Variants in DNAH17 observed in about 807,000 individuals in gnomAD.
DNAH17 encodes the protein axonemal beta dynein heavy chain 17.
A neutral mutation model predicts 485.6 loss-of-function variants in DNAH17; 376 were observed. The observed-to-expected ratio is 0.77, with a 90% CI of 0.71 to 0.84. DNAH17 has a LOEUF of 0.84. DNAH17 is among the 40% of genes least tolerant of loss of function. The probability of loss-of-function intolerance (pLI) is 0.00; values close to 1 mark genes in which losing one functional copy is unlikely to be tolerated. For missense variants in DNAH17, 6,370 were observed against 5,839.3 expected (o/e 1.09, Z -2.96); for synonymous variants, 3,031 against 2,405.9 (o/e 1.26, Z -7.60).
chr17:78,574,775 G>C lies in DNAH17; in HGVS notation c.283C>G (p.Arg95Gly), dbSNP rs372675281. 6.2e-7 allele frequency: 1 copy of C among 1,613,880 alleles called. No individual in the cohort carries two copies. Among genetic ancestry groups the C allele is most frequent in the Non-Finnish European group, 8.5e-7 (1 of 1,179,850 alleles). Residue 95 changes from arginine (R) to glycine (G), a missense_variant, in exon 2 of 81, where the codon CGG becomes GGG. By Grantham distance (125) the Arg-to-Gly change is moderately radical (BLOSUM62 -2). Transcript: ENST00000389840. The part of the protein sequence containing the change: ...ENINKDNYRA[R>G]LLYGDISPTP... ...GGGCTGATGTCGCCGTAAAGGAGCC[G>C]GGCCCTGTAGTTGTCCTTGTTGATG...
chr17:78,484,105 A>G (rs958690564), intron 48 of DNAH17, among the ~76,000 whole-genome samples: 2 of 145,438 alleles, frequency 1.4e-5, no homozygotes, highest in Non-Finnish European at 3.1e-5. Flanking sequence ...CAAAAAAAAA[A>G]AAAAAAAAAA....
intron 76 of DNAH17, among the ~76,000 whole-genome samples, 197 bp downstream of exon 76, chr17:78,428,924 T>TAAAAA (rs11409298): frequency 4.8e-5 from 5 of 103,294 alleles, no homozygotes; most frequent in South Asian, 3.6e-4. Context: ...TTTCTTTCTT[T>TAAAAA]AAAAAAAAAA....
At chr17:78,495,416 C>T (rs1156796097) in intron 38 of DNAH17, among the ~76,000 whole-genome samples, 3 of 151,044 alleles carry the variant, frequency 2.0e-5, no homozygotes, top group Non-Finnish European at 4.4e-5. Flanking sequence ...AGGAGGCCCT[C>T]GCCTGCCTCA....
chr17:78,487,641 C>T (rs753009555), intron 44 of DNAH17, among the ~76,000 whole-genome samples: 17 of 152,174 alleles, frequency 1.1e-4, no homozygotes, highest in Non-Finnish European at 1.6e-4. Flanking sequence ...TCTCCTGTTT[C>T]GGCCTTCCAA....
Position 78,426,491 on chromosome 17 carries a change from G to A in DNAH17, c.12881C>T (p.Ala4294Val), listed in dbSNP as rs750684437. The A allele has an allele frequency of 2.7e-5, 44 of 1,612,188 alleles. No individual in the cohort carries two copies. Among genetic ancestry groups the A allele is most frequent in the Admixed American group, 3.4e-5 (2 of 59,688 alleles). ...ARAYPSMMGL[A>V]AWYADLLLRI... ...GAGCAGCAGGTCTGCGTACCAGGCC[G>A]CCAGGCCCATCATGGAGGGGTAGGC... is the stretch of plus-strand genomic sequence containing the variant. Residue 4294 changes from alanine to valine, a missense_variant, in exon 79 of 81, where the codon GCG becomes GTG. Physicochemically the swap from Ala to Val is moderately conservative, Grantham distance 64. Coordinates refer to ENST00000389840, the MANE Select transcript of DNAH17 (RefSeq NM_173628.4).
At chr17:78,555,070 A>G (rs777203838) in intron 14 of DNAH17, among the ~76,000 whole-genome samples, 79 of 152,206 alleles carry the variant, frequency 5.2e-4, no homozygotes, top group Non-Finnish European at 2.1e-4. Flanking sequence ...TAAATAGTGT[A>G]CTTCCACCCA....
intron 16 of DNAH17, among the ~76,000 whole-genome samples, chr17:78,550,128 G>GGGA (rs1227371438): frequency 6.6e-6 from 1 of 152,256 alleles, no homozygotes; most frequent in Non-Finnish European, 1.5e-5. Flanking sequence ...GGGAGGCGTG[G>GGGA]GGAGGAGGAG....
chr17:78,483,753 G>A lies in DNAH17; in HGVS notation c.7649+1115C>T, dbSNP rs540086946. 7.5e-4 allele frequency among the ~76,000 whole-genome samples: 114 copies of A among 152,222 alleles called. 1 individual carries two copies. Among genetic ancestry groups the A allele is most frequent in the African/African-American group, 2.7e-3 (111 of 41,530 alleles). ...CGGCATGAGGCCAGGCTTCATGAAC[G>A]AGCAGACTAGTTTCTAGGCTCTTTT... On this transcript the variant is annotated intron_variant, in intron 48 of 80. Transcript: ENST00000389840.
At chr17:78,433,599 C>G (rs1255204423) in intron 75 of DNAH17, among the ~76,000 whole-genome samples, 2 of 152,224 alleles carry the variant, frequency 1.3e-5, no homozygotes, top group Non-Finnish European at 2.9e-5. Context: ...TCTCCAGACA[C>G]TGACAGAGCC....
chr17:78,556,923 C>T (rs1179944587), intron 14 of DNAH17, among the ~76,000 whole-genome samples: 1 of 152,212 alleles, frequency 6.6e-6, no homozygotes, highest in African/African-American at 2.4e-5. Context: ...GAAAACAGAA[C>T]ACGTATGATA....
Position 78,438,072 on chromosome 17 carries a change from T to C in DNAH17, c.11806-204A>G, listed in dbSNP as rs371644490. Among the ~76,000 whole-genome samples, 8 of 152,282 alleles carry C rather than the reference T, an allele frequency of 5.3e-5. 1 individual carries two copies. In the East Asian group the frequency reaches 5.8e-4, roughly 11 times the overall value. ...GCCAGGATGTCTTCGGCGAAGCAAC[T>C]GAGGCCCCAGAATCTATTTTTGTGT... On this transcript the variant is annotated intron_variant, in intron 73 of 80. Coordinates refer to ENST00000389840, the MANE Select transcript of DNAH17 (RefSeq NM_173628.4).
intron 18 of DNAH17, among the ~76,000 whole-genome samples, chr17:78,538,054 C>T (rs1350390182): frequency 6.8e-6 from 1 of 147,158 alleles, no homozygotes; most frequent in Non-Finnish European, 1.5e-5. Context: ...GGCAGGAAAT[C>T]GCTTGAACCC....
chr17:78,463,148 C>T, intron 56 of DNAH17, 71 bp from the exon 57 acceptor site: 2 of 1,429,154 alleles, frequency 1.4e-6, no homozygotes. Flanking sequence ...GCTCCCCAGA[C>T]TCACCAGGGG....
chr17:78,423,740 C>A lies in DNAH17; in HGVS notation c.*166G>T. The A allele has an allele frequency of 1.1e-6, 1 of 902,506 alleles. No homozygotes were observed. Among genetic ancestry groups the A allele is most frequent in the Non-Finnish European group, 1.7e-6 (1 of 596,934 alleles). 55.9% of individuals were successfully genotyped at this position (902,506 alleles called of 1,614,324 possible). A position where few individuals can be genotyped will look rare whatever the true frequency, so the allele number is the denominator to read the frequency against. On this transcript the variant is annotated 3_prime_UTR_variant, in exon 81 of 81. Transcript: ENST00000389840. ...TTAATCTGCCCCACCTCTTCCACAC[C>A]AACCTCCACCCTCTGGTTCCGATGT...
chr17:78,465,435 G>A (rs2088378603), intron 56 of DNAH17, among the ~76,000 whole-genome samples: 1 of 145,090 alleles, frequency 6.9e-6, no homozygotes, highest in African/African-American at 2.6e-5. Flanking sequence ...TGCCCAGTCT[G>A]GAAAGTGAGG....
intron 11 of DNAH17, among the ~76,000 whole-genome samples, chr17:78,565,892 G>C (rs1193041327): frequency 6.6e-6 from 1 of 152,180 alleles, no homozygotes; most frequent in African/African-American, 2.4e-5. Context: ...GGAGGTTGCA[G>C]TGTGCTGGGA....
At position 78,426,482 on chromosome 17, in the gene DNAH17, TACCAGGCC is replaced by T; in HGVS notation, c.12882_12889del (p.Ala4295ArgfsTer96). On this transcript the variant is annotated frameshift_variant, in exon 79 of 81. Transcript: ENST00000389840. LOFTEE classifies it high-confidence loss of function. ...CCTGATGCGGAGCAGCAGGTCTGCG[TACCAGGCC>T]GCCAGGCCCATCATGGAGGGGTAGG... is the stretch of plus-strand genomic sequence containing the variant. 6.2e-7 allele frequency: 1 copy of T among 1,610,788 alleles called. No individual in the cohort carries two copies.
Position 78,475,412 on chromosome 17 carries a change from G to C in DNAH17, c.8377C>G (p.Pro2793Ala). Residue 2793 changes from proline (P) to alanine (A), a missense_variant, in exon 54 of 81, where the codon CCC becomes GCC. Coordinates refer to ENST00000389840, the MANE Select transcript of DNAH17 (RefSeq NM_173628.4). ...ICRINRILES[P>A]RGNALLVGVG... Reference sequence around the variant, plus strand: ...CCCACCAGCAGGGCATTCCCCCGGGGAGACTCCAGGATGCGATTAATCCTG... The same window carrying C: ...CCCACCAGCAGGGCATTCCCCCGGGCAGACTCCAGGATGCGATTAATCCTG... 2 of 1,613,948 alleles carry C rather than the reference G, an allele frequency of 1.2e-6. No homozygotes were observed. Among genetic ancestry groups the C allele is most frequent in the Non-Finnish European group, 1.7e-6 (2 of 1,179,892 alleles).
At chr17:78,514,499 G>C (rs1413555915) in intron 26 of DNAH17, among the ~76,000 whole-genome samples, 1 of 64,476 alleles carries the variant, frequency 1.6e-5, no homozygotes, top group South Asian at 5.7e-4. Context: ...ACTAGACTCC[G>C]TCTCAAAAAA....
Sources: gnomAD v4.1 joint callset for allele counts (sites outside exome capture counted in the v4.1 genomes callset) on GRCh38, gnomAD v4.1.1 for gene constraint, MANE v1.5 for transcripts, NCBI Gene and HGNC (gene_info 2026-07-23, HGNC 2026-07-21) for gene names.